Variants in DMD observed in about 807,000 individuals in gnomAD.
DMD encodes the protein mutant dystrophin.
A neutral mutation model predicts 330.1 loss-of-function variants in DMD; 63 were observed. The observed-to-expected ratio is 0.19, with a 90% CI of 0.16 to 0.24. DMD has a LOEUF of 0.24. Ranked by LOEUF, DMD falls within the 10% of genes least tolerant of loss-of-function variation. The probability of loss-of-function intolerance (pLI) is 1.00; values close to 1 mark genes in which losing one functional copy is unlikely to be tolerated. For synonymous variants in DMD, 1,223 were observed against 959.8 expected, an observed-to-expected ratio of 1.27 and a Z score of -5.07; for missense variants, 3,344 against 2,684.1, an observed-to-expected ratio of 1.25 and a Z score of -5.43.
chrX:31,612,691 C>A (rs1569554749), intron 55 of DMD, among the ~76,000 whole-genome samples: 1 of 111,343 alleles, frequency 9.0e-6, no homozygotes, highest in East Asian at 2.8e-4. Context: ...ATACATGGAA[C>A]CCGATATTAT....
intron 55 of DMD, among the ~76,000 whole-genome samples, chrX:31,535,027 AG>A (rs1219964944): frequency 1.3e-5 from 1 of 76,860 alleles, no homozygotes; most frequent in East Asian, 4.7e-4. Context: ...GCTCATGGGT[AG>A]GAAGAATCAA....
chrX:31,986,979 C>G (rs1002896329), intron 44 of DMD, among the ~76,000 whole-genome samples: 1 of 111,786 alleles, frequency 8.9e-6, no homozygotes, highest in Non-Finnish European at 1.9e-5. Context: ...GAAAGGTATT[C>G]TCTCTCGATT....
intron 44 of DMD, among the ~76,000 whole-genome samples, chrX:31,984,695 A>G (rs146380095): frequency 0.011 from 1,214 of 112,634 alleles, 19 homozygotes; most frequent in African/African-American, 0.037. Flanking sequence ...GTTTAGTTTT[A>G]TATTTATGTA....
intron 47 of DMD, 99 bp downstream of exon 47, chrX:31,929,497 C>T: frequency 3.0e-6 from 3 of 989,948 alleles, no homozygotes; most frequent in Non-Finnish European, 4.3e-6. Flanking sequence ...ATCCACATAC[C>T]AGCCTCCTCC....
intron 2 of DMD, among the ~76,000 whole-genome samples, chrX:32,870,536 T>A (rs1328530626): frequency 8.9e-6 from 1 of 111,864 alleles, no homozygotes; most frequent in Non-Finnish European, 1.9e-5. Flanking sequence ...CAGACTATAC[T>A]ACCCAAAACA....
At chrX:32,885,866 G>A (rs1422394545) in intron 2 of DMD, among the ~76,000 whole-genome samples, 2 of 102,500 alleles carry the variant, frequency 2.0e-5, no homozygotes, top group Non-Finnish European at 3.9e-5. Flanking sequence ...CTTTCAGGTA[G>A]TAGGCACACA....
At chrX:32,525,022 T>C (rs2046813291) in intron 17 of DMD, among the ~76,000 whole-genome samples, 1 of 112,068 alleles carries the variant, frequency 8.9e-6, no homozygotes, top group South Asian at 3.7e-4. Flanking sequence ...TTAATGAGTT[T>C]GGACTCTTCT....
chrX:32,722,414 G>A (rs1411485981), intron 7 of DMD, among the ~76,000 whole-genome samples: 4 of 110,418 alleles, frequency 3.6e-5, no homozygotes, highest in African/African-American at 1.3e-4. Flanking sequence ...ATATAGGGGG[G>A]TGTGCATAGG....
chrX:33,193,626 A>G (rs1038236167), intron 1 of DMD, among the ~76,000 whole-genome samples: 1 of 112,495 alleles, frequency 8.9e-6, no homozygotes, highest in Non-Finnish European at 1.9e-5. Context: ...ATCTATGAAT[A>G]CAGTTTAATG....
intron 11 of DMD, among the ~76,000 whole-genome samples, chrX:32,631,225 A>G (rs5928057): frequency 0.14 from 15,713 of 110,747 alleles, 1,015 homozygotes; most frequent in African/African-American, 0.25. Context: ...GCTAAAGGAG[A>G]GGTGACACAA....
At chrX:31,566,556 T>C (rs2075474537) in intron 55 of DMD, among the ~76,000 whole-genome samples, 1 of 112,049 alleles carries the variant, frequency 8.9e-6, no homozygotes, top group South Asian at 3.7e-4. Context: ...TTTACCTTTT[T>C]AAAAGACTGT....
At chrX:32,563,937 G>T in intron 16 of DMD, among the ~76,000 whole-genome samples, 1 of 111,371 alleles carries the variant, frequency 9.0e-6, no homozygotes. Context: ...ACAGGGGTTT[G>T]CTTACCAATT....
At chrX:31,418,885 A>C (rs903533233) in intron 60 of DMD, among the ~76,000 whole-genome samples, 51 of 112,459 alleles carry the variant, frequency 4.5e-4, no homozygotes, top group African/African-American at 1.6e-3. Flanking sequence ...GTGATGACTA[A>C]GGTGGTAACA....
chrX:31,553,882 GA>G (rs1374742179), intron 55 of DMD, among the ~76,000 whole-genome samples: 1 of 112,677 alleles, frequency 8.9e-6, no homozygotes. Context: ...TTACTGCTGA[GA>G]AATTTGACTA....
At chrX:31,263,696 T>G (rs921567685) in intron 62 of DMD, among the ~76,000 whole-genome samples, 1 of 112,154 alleles carries the variant, frequency 8.9e-6, no homozygotes, top group Non-Finnish European at 1.9e-5. Context: ...CACACAAACC[T>G]TTTATTTCTA....
chrX:32,267,775 G>A (rs904980806), intron 43 of DMD, among the ~76,000 whole-genome samples: 1 of 111,988 alleles, frequency 8.9e-6, no homozygotes, highest in Non-Finnish European at 1.9e-5. Flanking sequence ...AGTATTTTAT[G>A]TCGTTCAAGA....
chrX:32,175,968 G>A (rs1054165975), intron 44 of DMD, among the ~76,000 whole-genome samples: 2 of 111,575 alleles, frequency 1.8e-5, no homozygotes, highest in African/African-American at 3.3e-5. Flanking sequence ...CAAAGACTAA[G>A]GGACTAAATA....
chrX:32,721,580 T>C (rs954160445), intron 7 of DMD, among the ~76,000 whole-genome samples: 28 of 111,175 alleles, frequency 2.5e-4, no homozygotes, highest in Admixed American at 1.9e-4. Context: ...ATTGTGCAAG[T>C]TCCTTATATA....
At chrX:33,152,160 CTATTATTATTATTAT>C (rs56954782) in intron 1 of DMD, among the ~76,000 whole-genome samples, 1 of 101,148 alleles carries the variant, frequency 9.9e-6, no homozygotes, top group Non-Finnish European at 2.0e-5. Context: ...ATTAGCTTTA[CTATTATTATTATTAT>C]TATTATTATT....
Sources: gnomAD v4.1 joint callset for allele counts (sites outside exome capture counted in the v4.1 genomes callset) on GRCh38, gnomAD v4.1.1 for gene constraint, MANE v1.5 for transcripts, NCBI Gene and HGNC (gene_info 2026-07-23, HGNC 2026-07-21) for gene names.